FOCAD: variants seen among roughly 807,000 people sequenced by gnomAD.
The protein encoded by FOCAD is focadhesin, also known as KIAA1797.
Under a neutral mutation model 225.6 loss-of-function variants are expected in FOCAD, and 198 were observed. The ratio of observed to expected loss-of-function variants is 0.88; its 90% CI spans 0.78 to 0.99. The LOEUF is 0.99. Ranked by LOEUF, FOCAD falls within the 50% of genes least tolerant of loss-of-function variation. The pLI, the probability that FOCAD is intolerant of heterozygous loss-of-function variation, is 0.00. For missense variants in FOCAD, 2,713 were observed against 2,123.6 expected (o/e 1.28, Z -5.46); for synonymous variants, 897 against 755.0 (o/e 1.19, Z -3.08).
chr9:20,970,699 AT>A (rs1434894427), intron 35 of FOCAD, among the ~76,000 whole-genome samples: 2 of 151,866 alleles, frequency 1.3e-5, no homozygotes, highest in Non-Finnish European at 2.9e-5. Flanking sequence ...CCTCTGGGAC[AT>A]TTTCTGTTAA....
At chr9:20,874,255 G>A (rs1830038248) in intron 18 of FOCAD, 1 of 159,784 alleles carries the variant, frequency 6.3e-6, no homozygotes, top group Non-Finnish European at 1.4e-5. Flanking sequence ...GCTCTGTCAT[G>A]GACATATGAC....
chr9:20,747,035 G>T (rs544026686), intron 5 of FOCAD, among the ~76,000 whole-genome samples: 31 of 152,240 alleles, frequency 2.0e-4, no homozygotes, highest in African/African-American at 6.7e-4. Flanking sequence ...TGTGGTTTCT[G>T]TACTGAATAG....
chr9:20,746,858 C>A (rs1563938695), intron 5 of FOCAD, among the ~76,000 whole-genome samples: 1 of 152,096 alleles, frequency 6.6e-6, no homozygotes, highest in African/African-American at 2.4e-5. Flanking sequence ...AGCCTTTTAA[C>A]ATCTGGAACT....
chr9:20,957,162 C>G (rs1838231035), intron 35 of FOCAD, among the ~76,000 whole-genome samples: 1 of 152,112 alleles, frequency 6.6e-6, no homozygotes, highest in South Asian at 2.1e-4. Context: ...CTTTCTGGCT[C>G]AAGTGATCCT....
intron 21 of FOCAD, among the ~76,000 whole-genome samples, chr9:20,891,197 C>A (rs1303045036): frequency 6.6e-6 from 1 of 152,104 alleles, no homozygotes; most frequent in East Asian, 1.9e-4. Flanking sequence ...TTTTTTATTT[C>A]TTCACCAACC....
At chr9:20,791,219 G>GCACACACA (rs563531943) in intron 11 of FOCAD, among the ~76,000 whole-genome samples, 2 of 106,718 alleles carry the variant, frequency 1.9e-5, no homozygotes, top group Non-Finnish European at 2.0e-5. Flanking sequence ...ATATATGCAT[G>GCACACACA]CACACACACA....
At chr9:20,950,454 T>G (rs1231698403) in intron 33 of FOCAD, among the ~76,000 whole-genome samples, 2 of 152,208 alleles carry the variant, frequency 1.3e-5, no homozygotes, top group Non-Finnish European at 2.9e-5. Context: ...AAAACTCTTT[T>G]TTGCATGTAT....
intron 1 of FOCAD, among the ~76,000 whole-genome samples, chr9:20,687,924 A>G (rs1022054778): frequency 2.6e-5 from 4 of 152,200 alleles, no homozygotes; most frequent in South Asian, 2.1e-4. Context: ...AGGAATTTTC[A>G]TCTGAATTGA....
chr9:20,716,379 A>G (rs1825337607), intron 2 of FOCAD, among the ~76,000 whole-genome samples: 1 of 152,066 alleles, frequency 6.6e-6, no homozygotes. Context: ...TAGGATGGCT[A>G]TTTGAATTCT....
intron 11 of FOCAD, among the ~76,000 whole-genome samples, chr9:20,808,585 G>A (rs1283197105): frequency 6.6e-6 from 1 of 152,124 alleles, no homozygotes; most frequent in Non-Finnish European, 1.5e-5. Context: ...GAACTATCAG[G>A]TTGAAAAAAG....
chr9:20,982,885 G>A (rs1840826140), intron 39 of FOCAD, among the ~76,000 whole-genome samples: 2 of 152,226 alleles, frequency 1.3e-5, no homozygotes. Flanking sequence ...AATTTGAGTT[G>A]CAGATCAATA....
chr9:20,702,428 A>T (rs1587267578), intron 1 of FOCAD, among the ~76,000 whole-genome samples: 1 of 152,170 alleles, frequency 6.6e-6, no homozygotes, highest in South Asian at 2.1e-4. Flanking sequence ...CAAAAACTTT[A>T]AGTCAACTGT....
At chr9:20,716,339 A>T (rs562072320) in intron 2 of FOCAD, among the ~76,000 whole-genome samples, 271 of 151,706 alleles carry the variant, frequency 1.8e-3, no homozygotes, top group African/African-American at 6.1e-3. Flanking sequence ...AGGTGAAAAA[A>T]ATATATATAT....
chr9:20,952,174 AT>A (rs1587705281), intron 34 of FOCAD, among the ~76,000 whole-genome samples: 1 of 152,014 alleles, frequency 6.6e-6, no homozygotes, highest in Admixed American at 6.6e-5. Flanking sequence ...GCAGGCTTTT[AT>A]TTTTTTATGT....
At chr9:20,808,121 G>A (rs1822661483) in intron 11 of FOCAD, among the ~76,000 whole-genome samples, 1 of 152,182 alleles carries the variant, frequency 6.6e-6, no homozygotes, top group African/African-American at 2.4e-5. Context: ...AGATTCTGCA[G>A]TGGAACAGAA....
intron 21 of FOCAD, among the ~76,000 whole-genome samples, chr9:20,891,511 A>G (rs926263031): frequency 4.6e-5 from 7 of 152,238 alleles, no homozygotes; most frequent in African/African-American, 7.2e-5. Flanking sequence ...AAACAGCCTT[A>G]TTGCTGATTT....
chr9:20,678,587 T>G (rs1017924227), intron 2 of FOCAD, among the ~76,000 whole-genome samples: 3 of 152,220 alleles, frequency 2.0e-5, no homozygotes, highest in African/African-American at 7.2e-5. Context: ...CCCTTCACAG[T>G]GCTGCAGGAG....
intron 15 of FOCAD, among the ~76,000 whole-genome samples, chr9:20,829,037 T>C (rs898161507): frequency 9.2e-5 from 14 of 152,190 alleles, no homozygotes; most frequent in Admixed American, 6.5e-4. Context: ...TGGTCTATCA[T>C]TGATGGGCAT....
At chr9:20,734,628 A>G (rs942717432) in intron 4 of FOCAD, among the ~76,000 whole-genome samples, 1 of 152,116 alleles carries the variant, frequency 6.6e-6, no homozygotes, top group African/African-American at 2.4e-5. Flanking sequence ...AAAAGATAAC[A>G]CATACAGTAT....
Sources: gnomAD v4.1 joint callset for allele counts (sites outside exome capture counted in the v4.1 genomes callset) on GRCh38, gnomAD v4.1.1 for gene constraint, MANE v1.5 for transcripts, NCBI Gene and HGNC (gene_info 2026-07-23, HGNC 2026-07-21) for gene names.